The following DENND5B variants were observed in gnomAD, a reference collection of about 807,000 sequenced individuals.
The protein encoded by DENND5B is DENN domain-containing protein 5B.
DENND5B carries 34 observed loss-of-function variants against 140.6 expected under a neutral mutation model. The observed-to-expected ratio is 0.24, with a 90% CI of 0.18 to 0.32. DENND5B has a LOEUF of 0.32. DENND5B is among the 10% of genes least tolerant of loss of function. DENND5B has a pLI of 1.00. For synonymous variants in DENND5B, 551 were observed against 562.1 expected, an observed-to-expected ratio of 0.98 and a Z score of 0.28; for missense variants, 1,142 against 1,560.2, an observed-to-expected ratio of 0.73 and a Z score of 4.52.
chr12:31,447,623 C>G lies in DENND5B; in HGVS notation c.1776G>C (p.Arg592=). The part of the protein sequence containing the change: ...KDPLLRVFDT[R]IDKIRLYNVR... ...CATTATACAGCCTTATCTTATCAAT[C>G]CGAGTGTCAAAGACCCGAAGCAAAG... Residue 592 remains arginine (R), a synonymous_variant, in exon 6 of 21, where the codon CGG becomes CGC. Transcript: ENST00000389082. The G allele has an allele frequency of 6.2e-7, 1 of 1,613,908 alleles. No homozygotes were observed. The highest frequency in any genetic ancestry group is 8.5e-7 in the Non-Finnish European group (1 of 1,179,876).
chr12:31,421,514 T>A (rs1050518982), intron 11 of DENND5B, among the ~76,000 whole-genome samples: 1 of 151,960 alleles, frequency 6.6e-6, no homozygotes, highest in African/African-American at 2.4e-5. Context: ...AGATTTCAAT[T>A]TAAACTGATG....
chr12:31,487,412 A>C (rs185140879), intron 2 of DENND5B, among the ~76,000 whole-genome samples: 1 of 152,276 alleles, frequency 6.6e-6, no homozygotes, highest in East Asian at 1.9e-4. Context: ...ATAAAAACTC[A>C]TTTGGCTGGG....
intron 5 of DENND5B, among the ~76,000 whole-genome samples, chr12:31,449,892 G>A (rs567029045): frequency 7.2e-5 from 11 of 151,890 alleles, no homozygotes; most frequent in Admixed American, 3.3e-4. Flanking sequence ...CACCACGCCC[G>A]GCTAATTTTT....
At chr12:31,555,237 G>T (rs1204870003) in intron 1 of DENND5B, among the ~76,000 whole-genome samples, 1 of 152,096 alleles carries the variant, frequency 6.6e-6, no homozygotes, top group East Asian at 1.9e-4. Context: ...TTTTTGGTGT[G>T]GATGTCCTTT....
At chr12:31,389,942 G>A (rs975782709) in intron 19 of DENND5B, among the ~76,000 whole-genome samples, 2 of 151,738 alleles carry the variant, frequency 1.3e-5, no homozygotes, top group Admixed American at 1.3e-4. Flanking sequence ...CTGACAAAGA[G>A]AGATATATGT....
chr12:31,571,298 T>C (rs902356621), intron 1 of DENND5B, among the ~76,000 whole-genome samples: 3 of 152,248 alleles, frequency 2.0e-5, no homozygotes, highest in African/African-American at 7.2e-5. Context: ...GAGTTTATCT[T>C]GTCACTGAGT....
At chr12:31,487,841 C>T (rs1282798448) in intron 2 of DENND5B, among the ~76,000 whole-genome samples, 2 of 152,154 alleles carry the variant, frequency 1.3e-5, no homozygotes, top group African/African-American at 2.4e-5. Flanking sequence ...TTGTTTAGCA[C>T]AGTGCATGGC....
Position 31,423,667 on chromosome 12 carries a change from C to T in DENND5B, c.2400G>A (p.Ser800=), listed in dbSNP as rs557336950. ...SHGLQVKQGK[S]ALWSHLIQFQ... ...ATTGAATTAAATGTGACCACAAAGC[C>T]GACTTCCCCTGAAAGTACAAGATGT... The change falls in exon 11 of 21, where the codon TCG becomes TCA. Residue 800 remains serine, a synonymous_variant. Coordinates refer to ENST00000389082, the MANE Select transcript of DENND5B (RefSeq NM_144973.4). 21 of 1,613,714 alleles carry T rather than the reference C, an allele frequency of 1.3e-5. No homozygotes were observed. The highest frequency in any genetic ancestry group is 2.2e-5 in the East Asian group (1 of 44,866).
At chr12:31,471,346 G>A (rs759635525) in intron 3 of DENND5B, among the ~76,000 whole-genome samples, 4 of 151,898 alleles carry the variant, frequency 2.6e-5, no homozygotes, top group Non-Finnish European at 4.4e-5. Context: ...AAGGAGTCTC[G>A]CTCTGTCACC....
At chr12:31,500,255 T>C (rs75121001) in intron 1 of DENND5B, 9,868 of 412,346 alleles carry the variant, frequency 0.024, 223 homozygotes, top group South Asian at 0.048. Context: ...TTAAAGAGCA[T>C]CCCTAATTAG....
chr12:31,387,836 G>C (rs770188579), intron 20 of DENND5B, 50 bp from the exon 21 acceptor site: 2 of 1,567,650 alleles, frequency 1.3e-6, no homozygotes. Context: ...CCTCGCTGCA[G>C]AACAAGGCAC....
Position 31,399,557 on chromosome 12 carries a change from G to C in DENND5B, c.3068+97C>G, listed in dbSNP as rs946530662. ...GCCTCTCAAAGTGCTGGGATTATAG[G>C]TGTGAGCCACTGTGCCTGGCCTACA... On this transcript the variant is annotated intron_variant, in intron 16 of 20. Coordinates refer to ENST00000389082, the MANE Select transcript of DENND5B (RefSeq NM_144973.4). 22 of 959,796 alleles carry C rather than the reference G, an allele frequency of 2.3e-5. No homozygotes were observed. In the Admixed American group the frequency reaches 5.0e-4, roughly 22 times the overall value. 59.5% of individuals were successfully genotyped at this position (959,796 alleles called of 1,614,324 possible). A position where few individuals can be genotyped will look rare whatever the true frequency, so the allele number is the denominator to read the frequency against.
In DENND5B at chr12:31,442,784, G is replaced by A; in HGVS notation, c.2003C>T (p.Thr668Ile). ...TGAAGAACATGCTTACTTGTTACTG[G>A]TTGGTCCTGTTGCCAAGACATCGGA... is the stretch of plus-strand genomic sequence containing the variant. The part of the protein sequence containing the change: ...LQSDVLATGP[T>I]SNNRWVSRSA... Residue 668 changes from threonine (T) to isoleucine (I), a missense_variant, in exon 7 of 21, where the codon ACC becomes ATC. By Grantham distance (89) the Thr-to-Ile change is moderately conservative (BLOSUM62 -1). This residue lies in a region of DENND5B where 708 missense variants were observed against 905.5 expected (regional missense o/e 0.78). Coordinates refer to ENST00000389082, the MANE Select transcript of DENND5B (RefSeq NM_144973.4). 1 of 1,613,330 alleles carries A rather than the reference G, an allele frequency of 6.2e-7. No individual in the cohort carries two copies.
intron 1 of DENND5B, among the ~76,000 whole-genome samples, chr12:31,545,705 G>T (rs1948831752): frequency 6.6e-6 from 1 of 152,040 alleles, no homozygotes; most frequent in African/African-American, 2.4e-5. Context: ...TGTAATCCCA[G>T]CACTTTGGGA....
In DENND5B at chr12:31,562,926, C is replaced by CTT. The variant is rs36081364; in HGVS notation, c.127+27778_127+27779dup. Among the ~76,000 whole-genome samples the CTT allele has an allele frequency of 5.4e-5, 8 of 147,594 alleles. No homozygotes were observed. In the South Asian group the frequency reaches 1.3e-3, roughly 24 times the overall value. Reference sequence around the variant, plus strand: ...CATCTATAAACTGCTTTCCTTTTTCCTTTTTTTTTTTTTTTAACAAATTCT... The same window carrying CTT: ...CATCTATAAACTGCTTTCCTTTTTCCTTTTTTTTTTTTTTTTTAACAAATTCT... On this transcript the variant is annotated intron_variant, in intron 1 of 20. Transcript: ENST00000389082.
At chr12:31,406,934 G>A (rs1256747567) in intron 14 of DENND5B, among the ~76,000 whole-genome samples, 1 of 151,352 alleles carries the variant, frequency 6.6e-6, no homozygotes, top group Non-Finnish European at 1.5e-5. Flanking sequence ...TGAGTAGGTG[G>A]GACTAAAGCA....
At chr12:31,457,280 C>T (rs571203344) in intron 4 of DENND5B, among the ~76,000 whole-genome samples, 2 of 152,192 alleles carry the variant, frequency 1.3e-5, no homozygotes, top group African/African-American at 2.4e-5. Context: ...CTCTATCCTA[C>T]TCCCTAAAAA....
At position 31,387,714 on chromosome 12, in the gene DENND5B, G is replaced by A. The variant is rs188374345; in HGVS notation, c.3714C>T (p.Ser1238=). The change falls in exon 21 of 21, where the codon AGC becomes AGT. Residue 1238 remains serine (S), a synonymous_variant. Coordinates refer to ENST00000389082, the MANE Select transcript of DENND5B (RefSeq NM_144973.4). ...CPAITRMYEE[S]ALLRDRMTVN... Reference sequence around the variant, plus strand: ...CAGTCATGCGGTCTCGCAGGAGAGCGCTCTCTTCATACATTCGAGTGATGG... The same window carrying A: ...CAGTCATGCGGTCTCGCAGGAGAGCACTCTCTTCATACATTCGAGTGATGG... 3 of 1,614,020 alleles carry A rather than the reference G, an allele frequency of 1.9e-6. No individual in the cohort carries two copies. Among genetic ancestry groups the A allele is most frequent in the Admixed American group, 1.7e-5 (1 of 60,020 alleles).
intron 1 of DENND5B, among the ~76,000 whole-genome samples, chr12:31,519,811 C>T (rs1474422763): frequency 6.6e-6 from 1 of 152,070 alleles, no homozygotes; most frequent in African/African-American, 2.4e-5. Flanking sequence ...TTGCACATAC[C>T]CTTACACTCA....
Sources: allele counts gnomAD v4.1 joint callset (sites outside exome capture counted in the v4.1 genomes callset), GRCh38; gene constraint gnomAD v4.1.1; regional missense constraint gnomAD v4.1.1; transcripts MANE v1.5; gene names NCBI Gene and HGNC (gene_info 2026-07-23, HGNC 2026-07-21).